The following CREB1 variants were observed in gnomAD, a reference collection of about 807,000 sequenced individuals.
CREB1 encodes the protein cyclic AMP-responsive element-binding protein 1.
In CREB1, 2 loss-of-function variants were observed where a neutral mutation model predicts 42.0. The observed-to-expected ratio is 0.05, with a 90% CI of 0.02 to 0.15. The LOEUF (loss-of-function observed/expected upper bound fraction) is 0.15. Among genes scored for constraint, CREB1 ranks in the 10% least tolerant of loss-of-function variants. The probability of loss-of-function intolerance (pLI) is 1.00; values close to 1 mark genes in which losing one functional copy is unlikely to be tolerated. For synonymous variants in CREB1, 123 were observed against 139.9 expected (o/e 0.88, Z 0.85); for missense variants, 199 against 388.9 (o/e 0.51, Z 4.11).
intron 3 of CREB1, among the ~76,000 whole-genome samples, chr2:207,562,618 G>C (rs1218354979): frequency 6.6e-6 from 1 of 152,180 alleles, no homozygotes; most frequent in African/African-American, 2.4e-5. Context: ...TCTACAAATA[G>C]AGATACAAAT....
In CREB1 at chr2:207,584,313, A is replaced by T. The variant is rs150360893; in HGVS notation, c.839+6658A>T. ...GTTCAGTTGCTTTGTATCCTTGCCA[A>T]AACTTGACATTGTCAGGTTTATTGT... On this transcript the variant is annotated intron_variant, in intron 7 of 7. Coordinates refer to ENST00000353267, the MANE Select transcript of CREB1 (RefSeq NM_004379.5). 1.3e-3 allele frequency among the ~76,000 whole-genome samples: 200 copies of T among 152,318 alleles called. 1 individual carries two copies. Among genetic ancestry groups the T allele is most frequent in the African/African-American group, 4.3e-3 (177 of 41,556 alleles).
rs2087150163 is a variant in CREB1, at chr2:207,602,051, CAG to C, written c.*4994_*4995del. 1.5e-5 allele frequency: 3 copies of C among 204,788 alleles called. No individual in the cohort carries two copies. The highest frequency in any genetic ancestry group is 3.8e-4 in the South Asian group (2 of 5,262). The allele number at this position is 204,788 out of a possible 1,614,324, so 12.7% of individuals were successfully genotyped here. A position where few individuals can be genotyped will look rare whatever the true frequency, so the allele number is the denominator to read the frequency against. ...TCAGTATGGAAAATTTTCAAATAAA[CAG>C]GGTGCTGAAGTTCCATCTGTCTCAT... On this transcript the variant is annotated 3_prime_UTR_variant, in exon 8 of 8. Transcript: ENST00000353267.
In CREB1 at chr2:207,598,981, T is replaced by C. The variant is rs1168939105; in HGVS notation, c.*1923T>C. On this transcript the variant is annotated 3_prime_UTR_variant, in exon 8 of 8. Coordinates refer to ENST00000353267, the MANE Select transcript of CREB1 (RefSeq NM_004379.5). ...CTTGTTTAACAACAAAATATGAAGA[T>C]TTAAGTGTTAATTGCTGGATCCATT... is the stretch of plus-strand genomic sequence containing the variant. 1.1e-5 allele frequency: 2 copies of C among 185,754 alleles called. No individual in the cohort carries two copies. Among genetic ancestry groups the C allele is most frequent in the Non-Finnish European group, 2.3e-5 (2 of 88,012 alleles). The allele number at this position is 185,754 out of a possible 1,614,324, so 11.5% of individuals were successfully genotyped here. A position where few individuals can be genotyped will look rare whatever the true frequency, so the allele number is the denominator to read the frequency against.
intron 1 of CREB1, among the ~76,000 whole-genome samples, chr2:207,531,390 C>G (rs905015460): frequency 3.9e-5 from 6 of 152,166 alleles, no homozygotes; most frequent in Non-Finnish European, 1.5e-5. Context: ...GTAGGTAACC[C>G]CCGTCTTGAG....
At chr2:207,533,285 A>G (rs2080729959) in intron 1 of CREB1, among the ~76,000 whole-genome samples, 1 of 152,076 alleles carries the variant, frequency 6.6e-6, no homozygotes, top group African/African-American at 2.4e-5. Context: ...ACCTTTTTCT[A>G]CTTTCTGAAA....
At chr2:207,534,438 T>C (rs1204044765) in intron 1 of CREB1, among the ~76,000 whole-genome samples, 1 of 152,210 alleles carries the variant, frequency 6.6e-6, no homozygotes, top group East Asian at 1.9e-4. Context: ...GGTTTCACCA[T>C]GTTGGTCAGG....
At chr2:207,576,241 C>CTTTTTTTTTTTTTTTTTGTT (rs2082588982) in intron 6 of CREB1, among the ~76,000 whole-genome samples, 2 of 101,068 alleles carry the variant, frequency 2.0e-5, no homozygotes, top group African/African-American at 3.8e-5. Context: ...CTTTTTTTGG[C>CTTTTTTTTTTTTTTTTTGTT]TTTTTTTTTT....
intron 1 of CREB1, among the ~76,000 whole-genome samples, chr2:207,537,061 TG>T (rs1233649123): frequency 5.3e-4 from 81 of 152,022 alleles, no homozygotes; most frequent in Non-Finnish European, 1.0e-3. Context: ...GCTTTGTTGT[TG>T]TTGTTGTTGT....
intron 5 of CREB1, among the ~76,000 whole-genome samples, chr2:207,573,709 G>A (rs1283099388): frequency 2.0e-5 from 3 of 152,176 alleles, no homozygotes; most frequent in Non-Finnish European, 4.4e-5. Flanking sequence ...CTCCAGCCTG[G>A]AAGACAGAAC....
chr2:207,602,583 A>AGG lies in CREB1; in HGVS notation c.*5526_*5527dup, dbSNP rs1348813130. The AGG allele has an allele frequency of 2.4e-5, 5 of 211,958 alleles. No individual in the cohort carries two copies. Among genetic ancestry groups the AGG allele is most frequent in the Non-Finnish European group, 3.8e-5 (4 of 104,622 alleles). The allele number at this position is 211,958 out of a possible 1,614,324, so 13.1% of individuals were successfully genotyped here. On this transcript the variant is annotated 3_prime_UTR_variant, in exon 8 of 8. Transcript: ENST00000353267. ...TGAGTTAGCTTAAAAATTGGTAGGGAGGAAGAAAATCTCTGCAAATAATGA... is the reference window on the plus strand; with the variant it reads ...TGAGTTAGCTTAAAAATTGGTAGGGAGGGGAAGAAAATCTCTGCAAATAATGA...
At chr2:207,564,151 A>G (rs763166814) in intron 3 of CREB1, among the ~76,000 whole-genome samples, 1 of 152,184 alleles carries the variant, frequency 6.6e-6, no homozygotes, top group Non-Finnish European at 1.5e-5. Context: ...TTTCTTATTT[A>G]TAAGAGATAC....
intron 1 of CREB1, among the ~76,000 whole-genome samples, chr2:207,547,943 T>A (rs1457808849): frequency 1.3e-5 from 2 of 151,880 alleles, no homozygotes; most frequent in African/African-American, 4.8e-5. Context: ...TTTTTTTTTT[T>A]AAATTGAGAT....
intron 1 of CREB1, among the ~76,000 whole-genome samples, chr2:207,544,759 A>G (rs532912775): frequency 1.3e-5 from 2 of 151,968 alleles, no homozygotes; most frequent in South Asian, 2.1e-4. Context: ...TGTCCCCCCA[A>G]CCACCGATGT....
At chr2:207,579,116 T>C (rs905082741) in intron 7 of CREB1, among the ~76,000 whole-genome samples, 1 of 152,142 alleles carries the variant, frequency 6.6e-6, no homozygotes, top group African/African-American at 2.4e-5. Context: ...GCTCCATCCA[T>C]CTGTGATTTT....
At chr2:207,592,290 C>A (rs191209414) in intron 7 of CREB1, among the ~76,000 whole-genome samples, 1 of 152,128 alleles carries the variant, frequency 6.6e-6, no homozygotes, top group Admixed American at 6.5e-5. Flanking sequence ...GCCTGTAGTC[C>A]CAGCTACTCG....
At chr2:207,570,419 C>T (rs967788255) in intron 5 of CREB1, 98 bp downstream of exon 5, 9 of 1,162,694 alleles carry the variant, frequency 7.7e-6, no homozygotes, top group Non-Finnish European at 1.1e-5. Flanking sequence ...ATACAAGTGC[C>T]AAGTCTTCTC....
chr2:207,539,856 A>G (rs1468705132), intron 1 of CREB1, among the ~76,000 whole-genome samples: 1 of 152,242 alleles, frequency 6.6e-6, no homozygotes. Flanking sequence ...AAATGAAAAC[A>G]TGGACATATA....
intron 4 of CREB1, 137 bp from the exon 5 acceptor site, chr2:207,570,040 CAA>C (rs757439012): frequency 0.036 from 6,246 of 175,568 alleles, no homozygotes; most frequent in South Asian, 0.05. Context: ...GACTCCATCT[CAA>C]AAAAAAAAAA....
Position 207,599,516 on chromosome 2 carries a change from T to C in CREB1, c.*2458T>C, listed in dbSNP as rs912592270. 6 of 195,806 alleles carry C rather than the reference T, an allele frequency of 3.1e-5. No individual in the cohort carries two copies. The East Asian group carries it at 4.8e-4, about 16-fold the overall frequency. The allele number at this position is 195,806 out of a possible 1,614,324, so 12.1% of individuals were successfully genotyped here. A position where few individuals can be genotyped will look rare whatever the true frequency, so the allele number is the denominator to read the frequency against. ...ATCACATTCATGTGAGCTGGATGAA[T>C]TTATAAGTTATAAAGACCTTATCCT... On this transcript the variant is annotated 3_prime_UTR_variant, in exon 8 of 8. Coordinates refer to ENST00000353267, the MANE Select transcript of CREB1 (RefSeq NM_004379.5).
Sources: gnomAD v4.1 joint callset for allele counts (sites outside exome capture counted in the v4.1 genomes callset) on GRCh38, gnomAD v4.1.1 for gene constraint, MANE v1.5 for transcripts, NCBI Gene and HGNC (gene_info 2026-07-23, HGNC 2026-07-21) for gene names.